Variants in SSR1 observed in about 807,000 individuals in gnomAD.
The protein encoded by SSR1 is translocon-associated protein subunit alpha.
In SSR1, 13 loss-of-function variants were observed where a neutral mutation model predicts 36.1. The ratio of observed to expected loss-of-function variants is 0.36; its 90% CI spans 0.23 to 0.57. The LOEUF (loss-of-function observed/expected upper bound fraction) is 0.57. Among genes scored for constraint, SSR1 ranks in the 20% least tolerant of loss-of-function variants. The pLI is 0.81. For missense variants in SSR1, 291 were observed against 338.5 expected (o/e 0.86, Z 1.10); for synonymous variants, 113 against 118.9 (o/e 0.95, Z 0.32).
In SSR1 at chr6:7,289,758, A is replaced by C; in HGVS notation, c.*106T>G. On this transcript the variant is annotated 3_prime_UTR_variant, in exon 8 of 8. Transcript: ENST00000244763. The stretch of plus-strand genomic sequence containing the variant: ...CTGATTGCTCAGTCCACACACAAGT[A>C]GGAGTTGCCTTCTATGGTGACATGG... 3.3e-5 allele frequency: 30 copies of C among 915,736 alleles called. No homozygotes were observed. The highest frequency in any genetic ancestry group is 4.8e-5 in the Non-Finnish European group (29 of 601,972). 56.7% of individuals were successfully genotyped at this position (915,736 alleles called of 1,614,324 possible).
In SSR1 at chr6:7,301,386, T is replaced by A; in HGVS notation, c.467A>T (p.Tyr156Phe). The change falls in exon 4 of 8, where the codon TAC (tyrosine) becomes TTC (phenylalanine). Residue 156 changes from tyrosine (Y) to phenylalanine (F), a missense_variant. Transcript: ENST00000244763. ...CATGGGCTCTGCAGGAATGAAAGAG[T>A]ACTCAAAAGTTGCCTGTCTCTGGGG... Reference protein sequence around the residue: ...VPPQRQATFEYSFIPAEPMGG... With the variant: ...VPPQRQATFEFSFIPAEPMGG... 1 of 1,614,000 alleles carries A rather than the reference T, an allele frequency of 6.2e-7. No individual in the cohort carries two copies. Among genetic ancestry groups the A allele is most frequent in the Non-Finnish European group, 8.5e-7 (1 of 1,179,992 alleles).
rs779163232 is a variant in SSR1 at position 7,310,004 on chromosome 6, A to G, written c.105T>C (p.Leu35=). Residue 35 remains leucine (L), a synonymous_variant, in exon 2 of 8, where the codon CTT becomes CTC. Coordinates refer to ENST00000244763, the MANE Select transcript of SSR1 (RefSeq NM_003144.5). ...CTTCTACTGTTTCTTCATCCTCTGT[A>G]AGATCTTGTGCCACTGCTAACAAGC... The part of the protein sequence containing the change: ...PRGLLAVAQD[L]TEDEETVEDS... 1 of 1,613,732 alleles carries G rather than the reference A, an allele frequency of 6.2e-7. No individual in the cohort carries two copies.
intron 2 of SSR1, among the ~76,000 whole-genome samples, chr6:7,309,526 A>T (rs9328406): frequency 1.3e-5 from 2 of 152,080 alleles, no homozygotes; most frequent in African/African-American, 4.8e-5. Flanking sequence ...TGTGTCCCCA[A>T]CCAAATCTCA....
chr6:7,309,962 A>C lies in SSR1; in HGVS notation c.147T>G (p.Asp49Glu). The change falls in exon 2 of 8, where the codon GAT becomes GAG. Residue 49 changes from aspartate to glutamate, a missense_variant. Transcript: ENST00000244763. The stretch of plus-strand genomic sequence containing the variant: ...CTTCTACCTCGGCTTCATCATCTTC[A>C]TCCTCAATTATGGAATCTTCTACTG... ...EETVEDSIIE[D>E]EDDEAEVEED... is the part of the protein sequence containing the mutation. 3 of 1,614,032 alleles carry C rather than the reference A, an allele frequency of 1.9e-6. No individual in the cohort carries two copies. Among genetic ancestry groups the C allele is most frequent in the Middle Eastern group, 1.7e-4 (1 of 6,060 alleles).
Position 7,295,409 on chromosome 6 carries a change from T to C in SSR1, c.776A>G (p.Glu259Gly). The C allele has an allele frequency of 5.6e-6, 9 of 1,611,768 alleles. No homozygotes were observed. Among genetic ancestry groups the C allele is most frequent in the Non-Finnish European group, 7.6e-6 (9 of 1,179,176 alleles). Residue 259 changes from glutamate to glycine, a missense_variant, in exon 7 of 8, where the codon GAA (glutamate) becomes GGA (glycine). Transcript: ENST00000244763. ...NDVDMSWIPQ[E>G]TLNQINKASP... is the part of the protein sequence containing the mutation. ...CTACTTACTGATTTGATTCAATGTTTCCTGAGGAATCCAACTCATGTCAAC... is the reference window on the plus strand; with the variant it reads ...CTACTTACTGATTTGATTCAATGTTCCCTGAGGAATCCAACTCATGTCAAC...
At chr6:7,292,554 C>CT (rs112946288) in intron 7 of SSR1, among the ~76,000 whole-genome samples, 56,045 of 151,686 alleles carry the variant, frequency 0.37, 10,449 homozygotes, top group South Asian at 0.43. Flanking sequence ...CCTTTCTTTT[C>CT]TTTTTTTTCT....
At chr6:7,295,134 T>G in intron 7 of SSR1, 1 of 1,513,450 alleles carries the variant, frequency 6.6e-7, no homozygotes, top group Non-Finnish European at 8.8e-7. Flanking sequence ...AGACAGGAAA[T>G]GGATTAGGAA....
intron 7 of SSR1, among the ~76,000 whole-genome samples, chr6:7,292,573 T>C (rs893971724): frequency 6.6e-6 from 1 of 152,014 alleles, no homozygotes; most frequent in African/African-American, 2.4e-5. Context: ...CTCTTAGAGA[T>C]GGGAGACTTG....
rs988404804 is a variant in SSR1 at position 7,289,945 on chromosome 6, G to T, written c.794-14C>A. 5 of 1,532,084 alleles carry T rather than the reference G, an allele frequency of 3.3e-6. No individual in the cohort carries two copies. The highest frequency in any genetic ancestry group is 4.3e-6 in the Non-Finnish European group (5 of 1,152,140). The allele number at this position is 1,532,084 out of a possible 1,614,324, so 94.9% of individuals were successfully genotyped here. A position where few individuals can be genotyped will look rare whatever the true frequency, so the allele number is the denominator to read the frequency against. On this transcript the variant is annotated splice_polypyrimidine_tract_variant and intron_variant, in intron 7 of 7. Transcript: ENST00000244763. Reference sequence around the variant, plus strand: ...GTGAAGCTTTATCTGGAAGAAAAGAGAAAGTTTTAAGCTTGCCTATTATAA... The same window carrying T: ...GTGAAGCTTTATCTGGAAGAAAAGATAAAGTTTTAAGCTTGCCTATTATAA...
rs1405632665 is a variant in SSR1, at chr6:7,288,494, G to A, written c.*1370C>T. The A allele has an allele frequency of 2.0e-5, 3 of 152,418 alleles. No individual in the cohort carries two copies. The highest frequency in any genetic ancestry group is 1.3e-4 in the Admixed American group (2 of 15,258). The allele number at this position is 152,418 out of a possible 1,614,324, so 9.4% of individuals were successfully genotyped here. ...AAAGACTTTTTTCTGTGTGTATTTC[G>A]TTTTGTTTTTTTGTCTGTGTGGGCA... is the stretch of plus-strand genomic sequence containing the variant. On this transcript the variant is annotated 3_prime_UTR_variant, in exon 8 of 8. Coordinates refer to ENST00000244763, the MANE Select transcript of SSR1 (RefSeq NM_003144.5).
In SSR1 at chr6:7,302,540, C is replaced by T. The variant is rs972226981; in HGVS notation, c.281-968G>A. On this transcript the variant is annotated intron_variant, in intron 3 of 7. Transcript: ENST00000244763. Reference sequence around the variant, plus strand: ...CAGTACTTCAGGAGGCAGAGGCGGGCGGATCATGAGGTGGAGATTGAGACC... The same window carrying T: ...CAGTACTTCAGGAGGCAGAGGCGGGTGGATCATGAGGTGGAGATTGAGACC... Among the ~76,000 whole-genome samples, 6 of 151,946 alleles carry T rather than the reference C, an allele frequency of 3.9e-5. No individual in the cohort carries two copies. The East Asian group carries it at 7.7e-4, about 20-fold the overall frequency.
At position 7,283,987 on chromosome 6, in the gene SSR1, C is replaced by G. The variant is rs1757489675; in HGVS notation, c.*5877G>C. ...TGAAATGAGGATGTGTGTGGAAGGG[C>G]AGAGCAGATGCTTGATGTTCTCCAT... On this transcript the variant is annotated 3_prime_UTR_variant, in exon 8 of 8. Coordinates refer to ENST00000244763, the MANE Select transcript of SSR1 (RefSeq NM_003144.5). The G allele has an allele frequency of 6.6e-6, 1 of 152,164 alleles. No homozygotes were observed. Among genetic ancestry groups the G allele is most frequent in the South Asian group, 2.1e-4 (1 of 4,834 alleles). The allele number at this position is 152,164 out of a possible 1,614,324, so 9.4% of individuals were successfully genotyped here. A position where few individuals can be genotyped will look rare whatever the true frequency, so the allele number is the denominator to read the frequency against.
At chr6:7,295,172 A>T in intron 7 of SSR1, 1 of 1,468,626 alleles carries the variant, frequency 6.8e-7, no homozygotes, top group South Asian at 1.3e-5. Flanking sequence ...TTCATAAATA[A>T]GCTGCAGATC....
At position 7,288,415 on chromosome 6, in the gene SSR1, T is replaced by C. The variant is rs932982590; in HGVS notation, c.*1449A>G. ...CTATTTGCAAAGTGATTAACAATTA[T>C]ACAATAACTTCTATCTGCTTTGGCT... On this transcript the variant is annotated 3_prime_UTR_variant, in exon 8 of 8. Coordinates refer to ENST00000244763, the MANE Select transcript of SSR1 (RefSeq NM_003144.5). 3.3e-5 allele frequency: 5 copies of C among 152,334 alleles called. No homozygotes were observed. Among genetic ancestry groups the C allele is most frequent in the African/African-American group, 1.2e-4 (5 of 41,472 alleles). The allele number at this position is 152,334 out of a possible 1,614,324, so 9.4% of individuals were successfully genotyped here.
At chr6:7,294,921 G>T in intron 7 of SSR1, 1 of 496,986 alleles carries the variant, frequency 2.0e-6, no homozygotes, top group South Asian at 4.9e-5. Context: ...AAATTGTCGG[G>T]TAATATTTTA....
chr6:7,300,193 T>C (rs1045604778), intron 4 of SSR1, among the ~76,000 whole-genome samples: 1 of 152,164 alleles, frequency 6.6e-6, no homozygotes, highest in African/African-American at 2.4e-5. Context: ...AAAAGAAAAC[T>C]TGATTGCAGC....
At chr6:7,297,812 T>G (rs1048319340) in intron 6 of SSR1, 111 bp downstream of exon 6, 5 of 703,356 alleles carry the variant, frequency 7.1e-6, no homozygotes, top group Non-Finnish European at 9.6e-6. Context: ...ACAACAAAGT[T>G]CTACGTATAC....
intron 1 of SSR1, among the ~76,000 whole-genome samples, chr6:7,311,646 T>G (rs12110349): frequency 0.038 from 5,787 of 152,288 alleles, 365 homozygotes; most frequent in African/African-American, 0.13. Flanking sequence ...ATTTGAGCAC[T>G]TTGGAATATA....
rs1290976923 is a variant in SSR1, at chr6:7,288,148, A to AT, written c.*1715dup. ...AAATTCTGTAATTACACCTTACTGT[A>AT]TCATGCCCTAGTAGTTTCACAAACT... is the stretch of plus-strand genomic sequence containing the variant. On this transcript the variant is annotated 3_prime_UTR_variant, in exon 8 of 8. Transcript: ENST00000244763. 7 of 152,224 alleles carry AT rather than the reference A, an allele frequency of 4.6e-5. No individual in the cohort carries two copies. The highest frequency in any genetic ancestry group is 1.0e-4 in the Non-Finnish European group (7 of 68,038). 9.4% of individuals were successfully genotyped at this position (152,224 alleles called of 1,614,324 possible).
Sources: gnomAD v4.1 joint callset for allele counts (sites outside exome capture counted in the v4.1 genomes callset) on GRCh38, gnomAD v4.1.1 for gene constraint, MANE v1.5 for transcripts, NCBI Gene and HGNC (gene_info 2026-07-23, HGNC 2026-07-21) for gene names.